Variants in SH3RF3 observed in about 807,000 individuals in gnomAD.
SH3RF3 encodes the protein E3 ubiquitin-protein ligase SH3RF3.
In SH3RF3, 29 loss-of-function variants were observed where a neutral mutation model predicts 66.3. The observed-to-expected ratio is 0.44, with a 90% CI of 0.33 to 0.60. The LOEUF (loss-of-function observed/expected upper bound fraction) is 0.60. Ranked by LOEUF, SH3RF3 falls within the 20% of genes least tolerant of loss-of-function variation. SH3RF3 has a pLI of 0.04. For synonymous variants in SH3RF3, 583 were observed against 532.0 expected (o/e 1.10, Z -1.32); for missense variants, 1,194 against 1,190.9 (o/e 1.00, Z -0.04).
chr2:109,469,536 G>C (rs764632528), intron 8 of SH3RF3, among the ~76,000 whole-genome samples: 1 of 152,074 alleles, frequency 6.6e-6, no homozygotes, highest in African/African-American at 2.4e-5. Context: ...ACAAAACTTA[G>C]GCTGCCTAGA....
At chr2:109,500,758 G>C (rs754884771) in intron 9 of SH3RF3, among the ~76,000 whole-genome samples, 58 of 152,088 alleles carry the variant, frequency 3.8e-4, no homozygotes, top group Non-Finnish European at 6.9e-4. Flanking sequence ...AGACCAGCCT[G>C]GGCAACATAG....
rs540469577 is a variant in SH3RF3 at position 109,364,062 on chromosome 2, A to C, written c.850-7524A>C. 1.5e-3 allele frequency among the ~76,000 whole-genome samples: 229 copies of C among 150,402 alleles called. 3 individuals are homozygous for C. Among genetic ancestry groups the C allele is most frequent in the African/African-American group, 5.5e-3 (224 of 40,906 alleles). On this transcript the variant is annotated intron_variant, in intron 2 of 9. Transcript: ENST00000309415. ...TCAAATATTCCTTCTGTTCCTTTCT[A>C]TCTTTCTTCTCCTTCTAGTATTCCC...
chr2:109,157,137 A>G, intron 1 of SH3RF3, among the ~76,000 whole-genome samples: 1 of 152,176 alleles, frequency 6.6e-6, no homozygotes. Context: ...GGATGAGAGC[A>G]CTTGAATTTG....
At chr2:109,358,871 T>G (rs1053543105) in intron 2 of SH3RF3, among the ~76,000 whole-genome samples, 1 of 152,244 alleles carries the variant, frequency 6.6e-6, no homozygotes, top group Admixed American at 6.5e-5. Flanking sequence ...CCCAAGATCA[T>G]CTAGATTTTC....
intron 1 of SH3RF3, among the ~76,000 whole-genome samples, chr2:109,268,138 G>A (rs191344251): frequency 3.0e-4 from 45 of 152,052 alleles, no homozygotes; most frequent in Non-Finnish European, 5.7e-4. Flanking sequence ...CACCTCCTTT[G>A]GTCGTCACTT....
At chr2:109,456,021 G>A (rs552239534) in intron 8 of SH3RF3, among the ~76,000 whole-genome samples, 2 of 152,214 alleles carry the variant, frequency 1.3e-5, no homozygotes, top group Non-Finnish European at 2.9e-5. Flanking sequence ...TGCTCACGGA[G>A]CCCCTTGGCC....
At chr2:109,221,063 T>C (rs143529727) in intron 1 of SH3RF3, among the ~76,000 whole-genome samples, 21 of 152,296 alleles carry the variant, frequency 1.4e-4, no homozygotes, top group Middle Eastern at 3.4e-3. Context: ...TTGAGGAATA[T>C]TCAGCCTTAG....
At chr2:109,299,765 G>C (rs1254303379) in intron 1 of SH3RF3, among the ~76,000 whole-genome samples, 1 of 152,148 alleles carries the variant, frequency 6.6e-6, no homozygotes, top group East Asian at 1.9e-4. Context: ...TGCTCAGTTG[G>C]CAGCACCAGA....
chr2:109,500,576 G>C (rs1679362989), intron 9 of SH3RF3, among the ~76,000 whole-genome samples: 1 of 152,192 alleles, frequency 6.6e-6, no homozygotes, highest in African/African-American at 2.4e-5. Context: ...GGGCCTTATT[G>C]ATGTTGATGT....
intron 1 of SH3RF3, among the ~76,000 whole-genome samples, chr2:109,160,426 G>A (rs1677462210): frequency 6.6e-6 from 1 of 152,250 alleles, no homozygotes; most frequent in African/African-American, 2.4e-5. Flanking sequence ...AGGTAGCCAT[G>A]CAGCCTTGTG....
intron 5 of SH3RF3, among the ~76,000 whole-genome samples, chr2:109,427,118 G>A (rs976181177): frequency 7.2e-5 from 11 of 152,146 alleles, no homozygotes; most frequent in Admixed American, 7.2e-4. Context: ...GCAGGTGCCT[G>A]CCACCACACT....
chr2:109,166,129 A>C (rs1303794000), intron 1 of SH3RF3, among the ~76,000 whole-genome samples: 1 of 152,176 alleles, frequency 6.6e-6, no homozygotes, highest in African/African-American at 2.4e-5. Context: ...GGCACAAAGA[A>C]GTAGTGCAGA....
chr2:109,168,260 A>T (rs79847837), intron 1 of SH3RF3, among the ~76,000 whole-genome samples: 1 of 152,178 alleles, frequency 6.6e-6, no homozygotes, highest in African/African-American at 2.4e-5. Context: ...TCACCACCTG[A>T]TGGGGTCTGA....
In SH3RF3 at chr2:109,361,537, G is replaced by A. The variant is rs753604625; in HGVS notation, c.850-10049G>A. 4.5e-4 allele frequency among the ~76,000 whole-genome samples: 69 copies of A among 152,142 alleles called. 1 individual carries two copies. The highest frequency in any genetic ancestry group is 7.2e-4 in the Admixed American group (11 of 15,280). ...CACCCAGGCTGGAGTGCAGTGGCGCGATCTTGGCTCATTGCAACCTCCGCC... is the reference window on the plus strand; with the variant it reads ...CACCCAGGCTGGAGTGCAGTGGCGCAATCTTGGCTCATTGCAACCTCCGCC... On this transcript the variant is annotated intron_variant, in intron 2 of 9. Transcript: ENST00000309415.
chr2:109,251,999 T>A (rs758042561), intron 1 of SH3RF3, among the ~76,000 whole-genome samples: 6 of 152,126 alleles, frequency 3.9e-5, no homozygotes, highest in Non-Finnish European at 5.9e-5. Flanking sequence ...TCCCACCACT[T>A]TGGGAGGCCA....
intron 1 of SH3RF3, among the ~76,000 whole-genome samples, chr2:109,312,877 G>T (rs1440766555): frequency 6.6e-6 from 1 of 152,196 alleles, no homozygotes; most frequent in Non-Finnish European, 1.5e-5. Flanking sequence ...GATTTTGGGT[G>T]TATACCTAGG....
At chr2:109,424,856 G>T (rs1676987809) in intron 5 of SH3RF3, among the ~76,000 whole-genome samples, 1 of 152,134 alleles carries the variant, frequency 6.6e-6, no homozygotes, top group African/African-American at 2.4e-5. Flanking sequence ...CCTCTAAGTG[G>T]TCAAGTGAAA....
chr2:109,360,953 C>T (rs1683041032), intron 2 of SH3RF3, among the ~76,000 whole-genome samples: 1 of 152,124 alleles, frequency 6.6e-6, no homozygotes, highest in African/African-American at 2.4e-5. Context: ...ATTAGGTGAA[C>T]TGTAGGTTAT....
In SH3RF3 at chr2:109,180,564, C is replaced by T. The variant is rs532129622; in HGVS notation, c.573+50451C>T. On this transcript the variant is annotated intron_variant, in intron 1 of 9. Transcript: ENST00000309415. ...GGGACCCAGTGGGAGATAATTGAAT[C>T]ATGGGGGTGGTTTCTCCCATACTGT... Among the ~76,000 whole-genome samples, 11 of 152,254 alleles carry T rather than the reference C, an allele frequency of 7.2e-5. No individual in the cohort carries two copies. In the South Asian group the frequency reaches 2.1e-3, roughly 29 times the overall value.
Sources: allele counts gnomAD v4.1 joint callset (sites outside exome capture counted in the v4.1 genomes callset), GRCh38; gene constraint gnomAD v4.1.1; transcripts MANE v1.5; gene names NCBI Gene and HGNC (gene_info 2026-07-23, HGNC 2026-07-21).